KIRREL3: variants seen among roughly 807,000 people sequenced by gnomAD.
KIRREL3 encodes kirre like nephrin family adhesion molecule 3, also known as kin of IRRE-like protein 3.
Under a neutral mutation model 89.7 loss-of-function variants are expected in KIRREL3, and 36 were observed. That is an observed-to-expected ratio of 0.40 (90% CI 0.31 to 0.53). The LOEUF (loss-of-function observed/expected upper bound fraction) is 0.53, where lower values mean the gene tolerates loss of function less well. Among genes scored for constraint, KIRREL3 ranks in the 20% least tolerant of loss-of-function variants. The pLI, the probability that KIRREL3 is intolerant of heterozygous loss-of-function variation, is 0.49. For missense variants in KIRREL3, 864 were observed against 1,056.6 expected, an observed-to-expected ratio of 0.82 and a Z score of 2.53; for synonymous variants, 445 against 441.4, an observed-to-expected ratio of 1.01 and a Z score of -0.10.
Position 126,985,940 on chromosome 11 carries a change from C to A in KIRREL3, c.55+14515G>T, listed in dbSNP as rs1949854227. On this transcript the variant is annotated intron_variant, in intron 1 of 16. Transcript: ENST00000525144. The surrounding 1 kb of genome is among the most constrained non-coding windows in gnomAD (Gnocchi z 5.3). ...TCTGGACACTATATAGCCTAGTGATCTCCTGAAGCCTAAAATGAGTATCTC... is the reference window on the plus strand; with the variant it reads ...TCTGGACACTATATAGCCTAGTGATATCCTGAAGCCTAAAATGAGTATCTC... Among the ~76,000 whole-genome samples the A allele has an allele frequency of 6.6e-6, 1 of 152,154 alleles. No homozygotes were observed. The highest frequency in any genetic ancestry group is 1.5e-5 in the Non-Finnish European group (1 of 68,034).
chr11:126,585,915 G>C (rs2134686297), intron 1 of KIRREL3, among the ~76,000 whole-genome samples: 1 of 152,392 alleles, frequency 6.6e-6, no homozygotes, highest in South Asian at 2.1e-4. Context: ...GCCTGAGACA[G>C]AGGAGGGAGA....
chr11:126,660,852 C>A (rs543410758), intron 1 of KIRREL3, among the ~76,000 whole-genome samples: 73 of 152,268 alleles, frequency 4.8e-4, no homozygotes, highest in Non-Finnish European at 9.0e-4. Context: ...TATATTAACA[C>A]CATCCTGGCA....
intron 1 of KIRREL3, among the ~76,000 whole-genome samples, chr11:126,951,486 CAGG>C (rs1948772391): frequency 6.6e-6 from 1 of 152,134 alleles, no homozygotes; most frequent in Non-Finnish European, 1.5e-5. Context: ...AAGGAGGTAT[CAGG>C]AGGAGATTAT....
chr11:126,721,534 A>G (rs1402619852), intron 1 of KIRREL3, among the ~76,000 whole-genome samples: 1 of 133,806 alleles, frequency 7.5e-6, no homozygotes, highest in African/African-American at 3.1e-5. Context: ...CGTCTCAAAA[A>G]AAAAAAAAAA....
chr11:126,718,038 C>T (rs1308505176), intron 1 of KIRREL3, among the ~76,000 whole-genome samples: 3 of 152,286 alleles, frequency 2.0e-5, no homozygotes, highest in South Asian at 2.1e-4. Flanking sequence ...ATATCCCTTG[C>T]CTCATGACAA....
At position 126,441,306 on chromosome 11, in the gene KIRREL3, G is replaced by A. The variant is rs996103720; in HGVS notation, c.1253-757C>T. 6.6e-6 allele frequency among the ~76,000 whole-genome samples: 1 copy of A among 152,234 alleles called. No individual in the cohort carries two copies. The highest frequency in any genetic ancestry group is 2.4e-5 in the African/African-American group (1 of 41,466). ...TTTATGGGTGTCAGGTTCTGAGAGC[G>A]CCTGTCTCATTCACCACATTGCACA... On this transcript the variant is annotated intron_variant, in intron 10 of 16. Coordinates refer to ENST00000525144, the MANE Select transcript of KIRREL3 (RefSeq NM_032531.4). The surrounding 1 kb of genome is among the most constrained non-coding windows in gnomAD (Gnocchi z 5.0).
intron 1 of KIRREL3, among the ~76,000 whole-genome samples, chr11:126,727,818 C>T (rs930981603): frequency 4.6e-5 from 7 of 152,210 alleles, no homozygotes; most frequent in Non-Finnish European, 1.0e-4. Context: ...GGAATGAGCA[C>T]GTGGACACAA....
rs531583100 is a variant in KIRREL3, at chr11:126,476,103, C to T, written c.434-2637G>A. On this transcript the variant is annotated intron_variant, in intron 4 of 16. Coordinates refer to ENST00000525144, the MANE Select transcript of KIRREL3 (RefSeq NM_032531.4). The surrounding 1 kb of genome is among the most constrained non-coding windows in gnomAD (Gnocchi z 6.4). ...GGCTTCAGGTGCAAACGTGAGAGCT[C>T]GGAGGATCTGGGAACTGACCGCTCT... is the stretch of plus-strand genomic sequence containing the variant. Among the ~76,000 whole-genome samples the T allele has an allele frequency of 1.3e-5, 2 of 152,286 alleles. No homozygotes were observed. Among genetic ancestry groups the T allele is most frequent in the East Asian group, 1.9e-4 (1 of 5,184 alleles).
rs1943075767 is a variant in KIRREL3, at chr11:126,610,362, G to T, written c.56-47450C>A. 6.6e-6 allele frequency among the ~76,000 whole-genome samples: 1 copy of T among 152,212 alleles called. No homozygotes were observed. ...CTGCCTTGGCCTCCCAAATTGCTGG[G>T]ATTACAGGCATGAGCCTGCTTGTCT... On this transcript the variant is annotated intron_variant, in intron 1 of 16. Coordinates refer to ENST00000525144, the MANE Select transcript of KIRREL3 (RefSeq NM_032531.4). This position sits in a 1 kb window ranked among gnomAD's most constrained non-coding sequence, Gnocchi z 4.6.
At chr11:126,670,961 A>C (rs1326474240) in intron 1 of KIRREL3, among the ~76,000 whole-genome samples, 1 of 152,232 alleles carries the variant, frequency 6.6e-6, no homozygotes, top group Non-Finnish European at 1.5e-5. Context: ...AGACAGTATA[A>C]TACTGGTGAA....
intron 1 of KIRREL3, among the ~76,000 whole-genome samples, chr11:126,693,395 T>G (rs1381210417): frequency 1.3e-5 from 2 of 152,162 alleles, no homozygotes; most frequent in Non-Finnish European, 2.9e-5. Flanking sequence ...TACTCCAGCC[T>G]GGGTGACAGA....
In KIRREL3 at chr11:126,431,063, C is replaced by G; in HGVS notation, c.1696+356G>C. The G allele has an allele frequency of 7.7e-7, 1 of 1,300,000 alleles. No homozygotes were observed. The highest frequency in any genetic ancestry group is 9.7e-7 in the Non-Finnish European group (1 of 1,025,930). 80.5% of individuals were successfully genotyped at this position (1,300,000 alleles called of 1,614,324 possible). ...TTTTATTTTGTTGTAGAGATGGGGT[C>G]TCTCTAGACTAACAGCTCTTGTAGA... On this transcript the variant is annotated intron_variant, in intron 14 of 16. Transcript: ENST00000525144. This position sits in a 1 kb window ranked among gnomAD's most constrained non-coding sequence, Gnocchi z 7.1.
chr11:126,932,229 C>T (rs1947976660), intron 1 of KIRREL3, among the ~76,000 whole-genome samples: 1 of 152,164 alleles, frequency 6.6e-6, no homozygotes, highest in Non-Finnish European at 1.5e-5. Flanking sequence ...AGCAGTGTGG[C>T]TTCCTGTGTC....
intron 4 of KIRREL3, among the ~76,000 whole-genome samples, chr11:126,478,655 G>A (rs535557145): frequency 5.4e-4 from 70 of 129,158 alleles, no homozygotes; most frequent in Middle Eastern, 3.5e-3. Flanking sequence ...GTATGTATGT[G>A]TATATGTATA....
chr11:126,735,291 C>T (rs58875038), intron 1 of KIRREL3, among the ~76,000 whole-genome samples: 2,157 of 152,220 alleles, frequency 0.014, 46 homozygotes, highest in African/African-American at 0.045. Flanking sequence ...CCACGTTTGA[C>T]GAGTACGGGA....
At chr11:126,716,973 G>A (rs1477071262) in intron 1 of KIRREL3, among the ~76,000 whole-genome samples, 2 of 152,062 alleles carry the variant, frequency 1.3e-5, no homozygotes, top group Non-Finnish European at 2.9e-5. Context: ...AAGATGATTT[G>A]GTGCGTTTTT....
chr11:126,645,220 T>C lies in KIRREL3; in HGVS notation c.56-82308A>G, dbSNP rs1295133665. ...CAGACTGACATCGTAACAATTCAAATGCTAATGAAATATTCTCAACTTGAG... is the reference window on the plus strand; with the variant it reads ...CAGACTGACATCGTAACAATTCAAACGCTAATGAAATATTCTCAACTTGAG... On this transcript the variant is annotated intron_variant, in intron 1 of 16. Transcript: ENST00000525144. This position sits in a 1 kb window ranked among gnomAD's most constrained non-coding sequence, Gnocchi z 4.9. Among the ~76,000 whole-genome samples, 2 of 152,204 alleles carry C rather than the reference T, an allele frequency of 1.3e-5. No homozygotes were observed. Among genetic ancestry groups the C allele is most frequent in the African/African-American group, 4.8e-5 (2 of 41,438 alleles).
In KIRREL3 at chr11:126,501,844, G is replaced by A. The variant is rs7120551; in HGVS notation, c.433+19471C>T. On this transcript the variant is annotated intron_variant, in intron 4 of 16. Transcript: ENST00000525144. The surrounding 1 kb of genome is among the most constrained non-coding windows in gnomAD (Gnocchi z 5.8). ...CCCTGAAGGCAGGTCCATGTCTGGGGTGGGCCAGGTGAGGGGTGGAAAACA... is the reference window on the plus strand; with the variant it reads ...CCCTGAAGGCAGGTCCATGTCTGGGATGGGCCAGGTGAGGGGTGGAAAACA... 7.7e-3 allele frequency among the ~76,000 whole-genome samples: 1,167 copies of A among 152,244 alleles called. 12 individuals carry two copies. The highest frequency in any genetic ancestry group is 0.025 in the African/African-American group (1,059 of 41,534).
At chr11:126,478,822 G>A (rs1003709806) in intron 4 of KIRREL3, among the ~76,000 whole-genome samples, 2 of 152,086 alleles carry the variant, frequency 1.3e-5, no homozygotes, top group African/African-American at 2.4e-5. Context: ...GTACAGTTGG[G>A]AACGGGCTGC....
Sources: gnomAD v4.1 joint callset for allele counts (sites outside exome capture counted in the v4.1 genomes callset) on GRCh38, gnomAD v4.1.1 for gene constraint, Gnocchi (gnomAD v3.1) non-coding constraint, MANE v1.5 for transcripts, NCBI Gene and HGNC (gene_info 2026-07-23, HGNC 2026-07-21) for gene names.